Variants in SYNPO observed in about 807,000 individuals in gnomAD.
SYNPO encodes synaptopodin.
A neutral mutation model predicts 49.5 loss-of-function variants in SYNPO; 19 were observed. The observed-to-expected ratio is 0.38, with a 90% CI of 0.27 to 0.56. The LOEUF is 0.56. Ranked by LOEUF, SYNPO falls within the 20% of genes least tolerant of loss-of-function variation. SYNPO has a pLI of 0.68. For missense variants in SYNPO, 1,131 were observed against 1,248.3 expected, an observed-to-expected ratio of 0.91 and a Z score of 1.42; for synonymous variants, 536 against 548.0, an observed-to-expected ratio of 0.98 and a Z score of 0.31.
At chr5:150,596,300 T>A (rs1190800584), upstream of SYNPO, among the ~76,000 whole-genome samples, 1 of 152,240 alleles carries the variant, frequency 6.6e-6, no homozygotes. Context: ...GGAATTCTGA[T>A]CCCGCAAATC....
Position 150,657,348 on chromosome 5 carries a change from G to A in SYNPO, c.*261G>A. 1 of 505,072 alleles carries A rather than the reference G, an allele frequency of 2.0e-6. No homozygotes were observed. Among genetic ancestry groups the A allele is most frequent in the Non-Finnish European group, 3.6e-6 (1 of 281,334 alleles). 31.3% of individuals were successfully genotyped at this position (505,072 alleles called of 1,614,324 possible). The stretch of plus-strand genomic sequence containing the variant: ...TCTGTTTAATGGTGGCTTTGGCCAA[G>A]GCAATCCACAAACGTCAAAATTCCC... On this transcript the variant is annotated 3_prime_UTR_variant, in exon 3 of 3. Coordinates refer to ENST00000307662, the MANE Select transcript of SYNPO (RefSeq NM_007286.6).
chr5:150,608,741 T>C (rs1248084310), intron 1 of SYNPO, among the ~76,000 whole-genome samples: 2 of 152,116 alleles, frequency 1.3e-5, no homozygotes, highest in Non-Finnish European at 2.9e-5. Context: ...TGATCCCAGG[T>C]CCTACCCCCA....
chr5:150,627,960 CG>C (rs1368167150), intron 2 of SYNPO, among the ~76,000 whole-genome samples: 1 of 151,498 alleles, frequency 6.6e-6, no homozygotes. Context: ...GTCAGAGGGG[CG>C]GCTGGGCCTG....
In SYNPO at chr5:150,649,297, C is replaced by T. The variant is rs201031282; in HGVS notation, c.1022C>T (p.Ser341Phe). The change falls in exon 2 of 3, where the codon TCT becomes TTT. Residue 341 changes from serine to phenylalanine, a missense_variant. Ser to Phe is a radical substitution (Grantham distance 155). This residue lies in a region of SYNPO where 602 missense variants were observed against 720.7 expected (regional missense o/e 0.84). Transcript: ENST00000307662. The stretch of plus-strand genomic sequence containing the variant: ...TGGGTGAGGTCTCCTCCCTCATATT[C>T]TGTCCTGTATCCCAGCTCCGACCCC... ...ASWVRSPPSY[S>F]VLYPSSDPKS... The T allele has an allele frequency of 6.1e-5, 99 of 1,614,146 alleles. No homozygotes were observed. The highest frequency in any genetic ancestry group is 5.1e-4 in the East Asian group (23 of 44,898).
At chr5:150,618,855 C>T (rs1757061283) in intron 2 of SYNPO, 8 of 1,479,294 alleles carry the variant, frequency 5.4e-6, no homozygotes, top group Non-Finnish European at 7.3e-6. Flanking sequence ...CCATATTTTT[C>T]CATGATCCAC....
chr5:150,659,018 C>G lies in SYNPO; in HGVS notation c.*1931C>G, dbSNP rs971476602. On this transcript the variant is annotated 3_prime_UTR_variant, in exon 3 of 3. Transcript: ENST00000307662. ...AGTAGCATAGAGGATCCATTTCTACCTGCATTTCCCAGAGGACTAGCAGGA... is the reference window on the plus strand; with the variant it reads ...AGTAGCATAGAGGATCCATTTCTACGTGCATTTCCCAGAGGACTAGCAGGA... The G allele has an allele frequency of 6.6e-6, 1 of 152,318 alleles. No individual in the cohort carries two copies. Among genetic ancestry groups the G allele is most frequent in the African/African-American group, 2.4e-5 (1 of 41,434 alleles). 9.4% of individuals were successfully genotyped at this position (152,318 alleles called of 1,614,324 possible).
At chr5:150,616,072 T>C (rs1756976435) in intron 1 of SYNPO, among the ~76,000 whole-genome samples, 1 of 152,234 alleles carries the variant, frequency 6.6e-6, no homozygotes, top group Admixed American at 6.5e-5. Flanking sequence ...TGCCTGGTTA[T>C]CTTTCTGATC....
intron 2 of SYNPO, among the ~76,000 whole-genome samples, chr5:150,628,856 C>T (rs999963543): frequency 6.6e-6 from 1 of 152,166 alleles, no homozygotes; most frequent in Non-Finnish European, 1.5e-5. Flanking sequence ...TGCAGTGAGC[C>T]GAGATCGCGC....
At chr5:150,638,337 C>T (rs1757787280), upstream of SYNPO, among the ~76,000 whole-genome samples, 1 of 152,220 alleles carries the variant, frequency 6.6e-6, no homozygotes, top group Non-Finnish European at 1.5e-5. Flanking sequence ...TCATCTCCTT[C>T]CCTCACAAAC....
intron 2 of SYNPO, among the ~76,000 whole-genome samples, chr5:150,630,882 T>C (rs1330906802): frequency 6.6e-6 from 1 of 152,176 alleles, no homozygotes; most frequent in African/African-American, 2.4e-5. Flanking sequence ...GCCTCAAACA[T>C]TGACAGAGTA....
intron 1 of SYNPO, among the ~76,000 whole-genome samples, chr5:150,607,796 A>G (rs1252071880): frequency 6.6e-6 from 1 of 152,228 alleles, no homozygotes; most frequent in Non-Finnish European, 1.5e-5. Flanking sequence ...AAAAGGTGGA[A>G]AAAAGAAGCC....
intron 2 of SYNPO, chr5:150,650,613 G>C (rs1758342149): frequency 6.9e-7 from 1 of 1,448,876 alleles, no homozygotes; most frequent in African/African-American, 1.4e-5. Flanking sequence ...TGATGCGGTA[G>C]AGGGGCATCC....
At chr5:150,637,174 C>T (rs1757744040), upstream of SYNPO, among the ~76,000 whole-genome samples, 3 of 152,076 alleles carry the variant, frequency 2.0e-5, no homozygotes, top group South Asian at 6.2e-4. Context: ...ACTGGCTGCA[C>T]CTCTGATTGG....
upstream of SYNPO, among the ~76,000 whole-genome samples, chr5:150,596,379 C>T (rs751096162): frequency 6.6e-6 from 1 of 152,128 alleles, no homozygotes; most frequent in Non-Finnish European, 1.5e-5. Context: ...CCTATCTGCT[C>T]ACTAAGAAGG....
At chr5:150,624,718 C>T (rs1231054635) in intron 2 of SYNPO, 6 of 525,746 alleles carry the variant, frequency 1.1e-5, no homozygotes, top group African/African-American at 1.0e-4. Context: ...GGCTCCCAGC[C>T]CGGGGTCCCG....
chr5:150,657,076 T>C lies in SYNPO; in HGVS notation c.2701T>C (p.Cys901Arg). ...KRGSLPAEASCTT is the reference protein window; with the variant it reads ...KRGSLPAEASRTT The stretch of plus-strand genomic sequence containing the variant: ...TGGCAGCCTCCCCGCCGAGGCCTCC[T>C]GCACCACCTAGAGCCCCACCCCCGA... Residue 901 changes from cysteine to arginine, a missense_variant, in exon 3 of 3, where the codon TGC becomes CGC. Physicochemically the swap from Cys to Arg is radical, Grantham distance 180 (BLOSUM62 -3). This residue lies in a region of SYNPO where 509 missense variants were observed against 484.5 expected (regional missense o/e 1.05). Coordinates refer to ENST00000307662, the MANE Select transcript of SYNPO (RefSeq NM_007286.6). 1 of 1,589,462 alleles carries C rather than the reference T, an allele frequency of 6.3e-7. No homozygotes were observed. Among genetic ancestry groups the C allele is most frequent in the East Asian group, 2.3e-5 (1 of 43,986 alleles).
At chr5:150,632,465 C>G (rs1757572620) in intron 2 of SYNPO, among the ~76,000 whole-genome samples, 1 of 152,128 alleles carries the variant, frequency 6.6e-6, no homozygotes, top group South Asian at 2.1e-4. Context: ...ATTTATTCAT[C>G]CCATGAACAA....
chr5:150,622,901 C>T (rs923139242), intron 2 of SYNPO, among the ~76,000 whole-genome samples: 3 of 152,100 alleles, frequency 2.0e-5, no homozygotes, highest in Non-Finnish European at 4.4e-5. Context: ...CATCCGTAAA[C>T]ACACATGTAT....
intron 2 of SYNPO, among the ~76,000 whole-genome samples, chr5:150,629,046 T>C (rs1419438515): frequency 6.6e-6 from 1 of 152,074 alleles, no homozygotes; most frequent in African/African-American, 2.4e-5. Context: ...TGAGACAGAG[T>C]CTGACTCGGC....
Sources: gnomAD v4.1 joint callset for allele counts (sites outside exome capture counted in the v4.1 genomes callset) on GRCh38, gnomAD v4.1.1 for gene constraint, gnomAD v4.1.1 regional missense constraint, MANE v1.5 for transcripts, NCBI Gene and HGNC (gene_info 2026-07-23, HGNC 2026-07-21) for gene names.